SMURF2: variants seen among roughly 807,000 people sequenced by gnomAD.
SMURF2 encodes E3 ubiquitin-protein ligase SMURF2.
SMURF2 carries 48 observed loss-of-function variants against 109.6 expected under a neutral mutation model. That is an observed-to-expected ratio of 0.44 (90% CI 0.35 to 0.56). The LOEUF (loss-of-function observed/expected upper bound fraction) is 0.56. Ranked by LOEUF, SMURF2 falls within the 20% of genes least tolerant of loss-of-function variation. SMURF2 has a pLI of 0.01. For missense variants in SMURF2, 575 were observed against 909.0 expected, an observed-to-expected ratio of 0.63 and a Z score of 4.72; for synonymous variants, 288 against 317.1, an observed-to-expected ratio of 0.91 and a Z score of 0.97.
At chr17:64,657,551 A>G (rs1970721280) in intron 1 of SMURF2, among the ~76,000 whole-genome samples, 1 of 151,662 alleles carries the variant, frequency 6.6e-6, no homozygotes, top group East Asian at 1.9e-4. Flanking sequence ...AAAAAGGTAA[A>G]AAAATCAGCC....
chr17:64,546,310 TA>T lies in SMURF2; in HGVS notation c.2099del (p.Ile700AsnfsTer21). On this transcript the variant is annotated frameshift_variant, in exon 18 of 19. Coordinates refer to ENST00000262435, the MANE Select transcript of SMURF2 (RefSeq NM_022739.4). LOFTEE classifies it high-confidence loss of function. ...QGAAGPRLFT[I>X]HQIDACTNNL... The stretch of plus-strand genomic sequence containing the variant: ...TGTTAGTGCAGGCATCAATCTGGTG[TA>T]TGGTAAAGAGTCTCGGGCCTGCAGC... The T allele has an allele frequency of 6.2e-7, 1 of 1,613,986 alleles. No homozygotes were observed. Among genetic ancestry groups the T allele is most frequent in the Non-Finnish European group, 8.5e-7 (1 of 1,179,908 alleles).
intron 10 of SMURF2, 36 bp from the exon 11 acceptor site, chr17:64,563,002 T>G: frequency 6.6e-7 from 1 of 1,525,124 alleles, no homozygotes; most frequent in East Asian, 2.4e-5. Flanking sequence ...TTAAAGTATA[T>G]CAAATTTTAA....
intron 12 of SMURF2, among the ~76,000 whole-genome samples, chr17:64,559,261 C>G (rs1439879911): frequency 2.0e-5 from 3 of 152,086 alleles, no homozygotes; most frequent in Non-Finnish European, 4.4e-5. Context: ...CTGTCACATT[C>G]CATTTATTCT....
At position 64,621,200 on chromosome 17, in the gene SMURF2, A is replaced by C. The variant is rs563836369; in HGVS notation, c.53-14560T>G. 3.3e-5 allele frequency among the ~76,000 whole-genome samples: 5 copies of C among 152,324 alleles called. No individual in the cohort carries two copies. The South Asian group carries it at 1.0e-3, about 32-fold the overall frequency. On this transcript the variant is annotated intron_variant, in intron 1 of 18. Transcript: ENST00000262435. ...TACCTGATGATCTACTAAGAAAACAAAGTGCAAAGGTATTTAGCTTTCCAA... is the reference window on the plus strand; with the variant it reads ...TACCTGATGATCTACTAAGAAAACACAGTGCAAAGGTATTTAGCTTTCCAA...
At chr17:64,653,472 A>AT (rs56105490) in intron 1 of SMURF2, among the ~76,000 whole-genome samples, 2 of 147,812 alleles carry the variant, frequency 1.4e-5, no homozygotes, top group South Asian at 2.2e-4. Context: ...AAAAAAAAAA[A>AT]TTTTTTTTTT....
chr17:64,562,944 G>C lies in SMURF2; in HGVS notation c.1039C>G (p.Gln347Glu), dbSNP rs1391741205. The C allele has an allele frequency of 6.2e-7, 1 of 1,613,316 alleles. No homozygotes were observed. The highest frequency in any genetic ancestry group is 8.5e-7 in the Non-Finnish European group (1 of 1,179,588). ...VLNRQNQLKD[Q>E]QQQQVVSLCP... The stretch of plus-strand genomic sequence containing the variant: ...AACGATACCACTTGCTGTTGCTGTT[G>C]GTCTTTCAATTGGTTCTGCCGACTA... The change falls in exon 11 of 19, where the codon CAA (glutamine) becomes GAA (glutamate). Residue 347 changes from glutamine (Q) to glutamate (E), a missense_variant. Physicochemically the swap from Gln to Glu is conservative, Grantham distance 29. Transcript: ENST00000262435.
chr17:64,609,024 G>T lies in SMURF2; in HGVS notation c.53-2384C>A, dbSNP rs547270300. The stretch of plus-strand genomic sequence containing the variant: ...CAATAACAGACAAACAGAGCCAATT[G>T]CTATAAAGACAATAAAATACCTAGG... On this transcript the variant is annotated intron_variant, in intron 1 of 18. Coordinates refer to ENST00000262435, the MANE Select transcript of SMURF2 (RefSeq NM_022739.4). Among the ~76,000 whole-genome samples, 26 of 152,108 alleles carry T rather than the reference G, an allele frequency of 1.7e-4. No individual in the cohort carries two copies. The East Asian group carries it at 5.0e-3, about 29-fold the overall frequency.
At chr17:64,569,507 A>G (rs1474154030) in intron 10 of SMURF2, among the ~76,000 whole-genome samples, 11 of 152,222 alleles carry the variant, frequency 7.2e-5, no homozygotes, top group African/African-American at 2.2e-4. Context: ...AAAGCTGTTC[A>G]AGCTCAATAG....
At chr17:64,610,417 C>T (rs576978047) in intron 1 of SMURF2, among the ~76,000 whole-genome samples, 54 of 152,296 alleles carry the variant, frequency 3.5e-4, no homozygotes, top group African/African-American at 1.3e-3. Context: ...CCATGGAATA[C>T]TATGCAGCCA....
chr17:64,589,468 A>C (rs1969718957), intron 5 of SMURF2, among the ~76,000 whole-genome samples: 1 of 107,976 alleles, frequency 9.3e-6, no homozygotes. Flanking sequence ...TAGATCAGGA[A>C]TCCCCAACCC....
rs1008836834 is a variant in SMURF2, at chr17:64,629,449, A to G, written c.53-22809T>C. Among the ~76,000 whole-genome samples, 6 of 152,262 alleles carry G rather than the reference A, an allele frequency of 3.9e-5. No homozygotes were observed. In the East Asian group the frequency reaches 5.8e-4, roughly 15 times the overall value. ...AGCCCAGAAGTTTGAGGCTGCAGTG[A>G]GCTGTGATCACACCACTGCACTCCA... On this transcript the variant is annotated intron_variant, in intron 1 of 18. Transcript: ENST00000262435.
In SMURF2 at chr17:64,649,160, A is replaced by AT. The variant is rs201243953; in HGVS notation, c.52+12668dup. On this transcript the variant is annotated intron_variant, in intron 1 of 18. Coordinates refer to ENST00000262435, the MANE Select transcript of SMURF2 (RefSeq NM_022739.4). Reference sequence around the variant, plus strand: ...ATAAGAAAGCTCACACTAAAGTATGATTTTTCATTACACATTGGAGTCAAA... The same window carrying AT: ...ATAAGAAAGCTCACACTAAAGTATGATTTTTTCATTACACATTGGAGTCAAA... Among the ~76,000 whole-genome samples, 1,269 of 152,290 alleles carry AT rather than the reference A, an allele frequency of 8.3e-3. 11 individuals are homozygous for AT. Among genetic ancestry groups the AT allele is most frequent in the Middle Eastern group, 0.014 (4 of 294 alleles).
At chr17:64,651,312 G>A (rs554878276) in intron 1 of SMURF2, among the ~76,000 whole-genome samples, 80 of 152,000 alleles carry the variant, frequency 5.3e-4, no homozygotes, top group African/African-American at 1.5e-3. Flanking sequence ...GGTGGCTCAC[G>A]CCTGTAATCC....
intron 10 of SMURF2, among the ~76,000 whole-genome samples, chr17:64,565,760 G>A (rs906332395): frequency 2.0e-5 from 3 of 151,966 alleles, no homozygotes; most frequent in Admixed American, 1.3e-4. Flanking sequence ...CAATGAAGAT[G>A]ACATGGGCAC....
At position 64,581,896 on chromosome 17, in the gene SMURF2, G is replaced by A. The variant is rs1341389358; in HGVS notation, c.570-905C>T. 6.6e-6 allele frequency among the ~76,000 whole-genome samples: 1 copy of A among 151,600 alleles called. No homozygotes were observed. Among genetic ancestry groups the A allele is most frequent in the Non-Finnish European group, 1.5e-5 (1 of 67,916 alleles). ...GGAGGCAGAGGTTGCAGTGGGCAGA[G>A]GTTGCAGTGAGCCGAGATCGTACCA... On this transcript the variant is annotated intron_variant, in intron 7 of 18. Coordinates refer to ENST00000262435, the MANE Select transcript of SMURF2 (RefSeq NM_022739.4). The surrounding 1 kb of genome is among the most constrained non-coding windows in gnomAD (Gnocchi z 4.3).
rs782729221 is a variant in SMURF2, at chr17:64,598,431, C to G, written c.151G>C (p.Asp51His). The G allele has an allele frequency of 2.5e-6, 4 of 1,610,470 alleles. No individual in the cohort carries two copies. The highest frequency in any genetic ancestry group is 8.5e-7 in the Non-Finnish European group (1 of 1,179,230). The change falls in exon 3 of 19, where the codon GAT becomes CAT. Residue 51 changes from aspartate to histidine, a missense_variant. By Grantham distance (81) the Asp-to-His change is moderately conservative. Transcript: ENST00000262435. ...VDGSGQCHST[D>H]TVKNTLDPKW... The stretch of plus-strand genomic sequence containing the variant: ...GGATCAAGCGTATTCTTCACAGTAT[C>G]TGTAGAATGGCATTGCCCAGATCCA...
chr17:64,648,877 T>C (rs1348033735), intron 1 of SMURF2, among the ~76,000 whole-genome samples: 1 of 152,224 alleles, frequency 6.6e-6, no homozygotes, highest in African/African-American at 2.4e-5. Flanking sequence ...CTTTTCCTTA[T>C]AGTTTTTTTT....
chr17:64,566,952 C>T (rs1297478729), intron 10 of SMURF2, among the ~76,000 whole-genome samples: 1 of 151,340 alleles, frequency 6.6e-6, no homozygotes, highest in Non-Finnish European at 1.5e-5. Context: ...CTCACTACAC[C>T]CTCTACCTCC....
At chr17:64,546,481 C>G (rs1968956115) in intron 17 of SMURF2, 143 bp from the exon 18 acceptor site, 2 of 626,574 alleles carry the variant, frequency 3.2e-6, no homozygotes, top group Admixed American at 3.2e-5. Context: ...CAAAGGGCAG[C>G]AGGAAAAGCA....
Sources: allele counts gnomAD v4.1 joint callset (sites outside exome capture counted in the v4.1 genomes callset), GRCh38; gene constraint gnomAD v4.1.1; non-coding constraint Gnocchi (gnomAD v3.1); transcripts MANE v1.5; gene names NCBI Gene and HGNC (gene_info 2026-07-23, HGNC 2026-07-21).